Variants in METTL8 observed in about 807,000 individuals in gnomAD.
METTL8 encodes the protein methyltransferase 8, tRNA N3-cytidine, also known as tRNA N(3)-cytidine methyltransferase METTL8, mitochondrial.
In METTL8, 32 loss-of-function variants were observed where a neutral mutation model predicts 48.7. That is an observed-to-expected ratio of 0.66 (90% CI 0.50 to 0.88). The LOEUF (loss-of-function observed/expected upper bound fraction) is 0.88. Ranked by LOEUF, METTL8 falls within the 40% of genes least tolerant of loss-of-function variation. METTL8 has a pLI of 0.00. For missense variants in METTL8, 464 were observed against 474.4 expected, an observed-to-expected ratio of 0.98 and a Z score of 0.20; for synonymous variants, 136 against 157.1, an observed-to-expected ratio of 0.87 and a Z score of 1.01.
At position 171,394,660 on chromosome 2, in the gene METTL8, C is replaced by T. The variant is rs992780350; in HGVS notation, c.-12-2463G>A. 2.0e-5 allele frequency among the ~76,000 whole-genome samples: 3 copies of T among 152,162 alleles called. No individual in the cohort carries two copies. In the South Asian group the frequency reaches 6.2e-4, roughly 32 times the overall value. On this transcript the variant is annotated intron_variant, in intron 1 of 9. Transcript: ENST00000375258. ...GCTTATCTATAACAGTTATGCACAG[C>T]CTTGCATTGCTATTTATCTTATTAC...
rs569187669 is a variant in METTL8 at position 171,332,312 on chromosome 2, G to A, written c.657-445C>T. 7.4e-4 allele frequency: 114 copies of A among 154,028 alleles called. 2 individuals are homozygous for A. In the Middle Eastern group the frequency reaches 0.026, roughly 36 times the overall value. 9.5% of individuals were successfully genotyped at this position (154,028 alleles called of 1,614,324 possible). ...AGCTTTTTTTTTGAGACAGGGTCTCGCTCTGTCACCCAGGCTGGAGTATAG... is the reference window on the plus strand; with the variant it reads ...AGCTTTTTTTTTGAGACAGGGTCTCACTCTGTCACCCAGGCTGGAGTATAG... On this transcript the variant is annotated intron_variant, in intron 5 of 9. Transcript: ENST00000375258.
chr2:171,357,206 AC>A (rs1684680126), intron 3 of METTL8, among the ~76,000 whole-genome samples: 1 of 151,932 alleles, frequency 6.6e-6, no homozygotes, highest in African/African-American at 2.4e-5. Context: ...TGATCTGCCC[AC>A]CCTGGCCCCC....
intron 2 of METTL8, among the ~76,000 whole-genome samples, chr2:171,364,013 A>G (rs1461367447): frequency 1.3e-5 from 2 of 151,468 alleles, no homozygotes; most frequent in African/African-American, 4.9e-5. Flanking sequence ...GGGTTTCACC[A>G]TGTTGGCCAG....
At chr2:171,430,132 C>T (rs557878549) in intron 1 of METTL8, among the ~76,000 whole-genome samples, 69 of 151,816 alleles carry the variant, frequency 4.5e-4, no homozygotes, top group Middle Eastern at 6.8e-3. Flanking sequence ...CCAAAGTGGG[C>T]GGATCATCTG....
chr2:171,338,998 A>C (rs1265792459), intron 4 of METTL8, among the ~76,000 whole-genome samples, 186 bp downstream of exon 4: 1 of 152,144 alleles, frequency 6.6e-6, no homozygotes, highest in Non-Finnish European at 1.5e-5. Context: ...TAAACCACAA[A>C]CTTAAAACTT....
chr2:171,425,953 T>C (rs115771393), intron 1 of METTL8, among the ~76,000 whole-genome samples: 11,765 of 152,052 alleles, frequency 0.077, 545 homozygotes, highest in Non-Finnish European at 0.1. Flanking sequence ...AGTCAGGTGT[T>C]CGAGACCAGC....
At chr2:171,398,363 T>C (rs998484641) in intron 1 of METTL8, among the ~76,000 whole-genome samples, 1 of 152,184 alleles carries the variant, frequency 6.6e-6, no homozygotes, top group Non-Finnish European at 1.5e-5. Flanking sequence ...CAACCATGGA[T>C]GAATCTTAAA....
chr2:171,371,643 C>T (rs977788184), intron 2 of METTL8, among the ~76,000 whole-genome samples: 1 of 151,978 alleles, frequency 6.6e-6, no homozygotes, highest in Non-Finnish European at 1.5e-5. Flanking sequence ...AGGTGTGAGC[C>T]ACCGTGCCCA....
chr2:171,407,486 G>A lies in METTL8; in HGVS notation c.-12-15289C>T, dbSNP rs553350691. Among the ~76,000 whole-genome samples the A allele has an allele frequency of 2.0e-5, 3 of 152,204 alleles. No homozygotes were observed. The East Asian group carries it at 5.8e-4, about 29-fold the overall frequency. On this transcript the variant is annotated intron_variant, in intron 1 of 9. Transcript: ENST00000375258. Reference sequence around the variant, plus strand: ...AACAATGAGAAGGAACTACTGCTTTGAACGAGAGGCTCTTACAGTGTGGCC... The same window carrying A: ...AACAATGAGAAGGAACTACTGCTTTAAACGAGAGGCTCTTACAGTGTGGCC...
At position 171,316,766 on chromosome 2, in the gene METTL8, G is replaced by A. The variant is rs1012833974; in HGVS notation, c.*7406C>T. 6.6e-6 allele frequency among the ~76,000 whole-genome samples: 1 copy of A among 152,172 alleles called. No homozygotes were observed. Among genetic ancestry groups the A allele is most frequent in the Non-Finnish European group, 1.5e-5 (1 of 68,026 alleles). On this transcript the variant is annotated 3_prime_UTR_variant, in exon 10 of 10. Transcript: ENST00000375258. ...AGAAAAAGTATGAGCAATGAGAAAA[G>A]CAATTATCCTTGGAGGCAGAAATTT... is the stretch of plus-strand genomic sequence containing the variant.
chr2:171,420,962 T>C (rs1015860502), intron 1 of METTL8, among the ~76,000 whole-genome samples: 2 of 152,190 alleles, frequency 1.3e-5, no homozygotes, highest in African/African-American at 4.8e-5. Context: ...ATATTAGAAG[T>C]ATTCCCTTTA....
intron 3 of METTL8, among the ~76,000 whole-genome samples, chr2:171,356,951 TA>T (rs1245648136): frequency 5.3e-5 from 3 of 56,664 alleles, no homozygotes; most frequent in African/African-American, 2.1e-4. Flanking sequence ...TCAAAGACAA[TA>T]TTTTTTTTTT....
chr2:171,365,652 A>G (rs1250411564), intron 2 of METTL8, among the ~76,000 whole-genome samples: 1 of 152,206 alleles, frequency 6.6e-6, no homozygotes, highest in Non-Finnish European at 1.5e-5. Flanking sequence ...ACAAACAAAC[A>G]CACACATTTT....
At chr2:171,376,159 G>C (rs1342392201) in intron 2 of METTL8, among the ~76,000 whole-genome samples, 1 of 152,110 alleles carries the variant, frequency 6.6e-6, no homozygotes, top group Non-Finnish European at 1.5e-5. Flanking sequence ...AACTGGGCTG[G>C]TCTATTTGCT....
chr2:171,385,725 G>T (rs2105544576), intron 2 of METTL8, among the ~76,000 whole-genome samples: 1 of 152,288 alleles, frequency 6.6e-6, no homozygotes, highest in East Asian at 1.9e-4. Context: ...GAGCCCTAAG[G>T]GTCCTCTTGG....
chr2:171,376,635 A>G (rs1269355414), intron 2 of METTL8, among the ~76,000 whole-genome samples: 1 of 152,190 alleles, frequency 6.6e-6, no homozygotes, highest in Non-Finnish European at 1.5e-5. Flanking sequence ...TTAGGAATAC[A>G]CTTAGCAAAG....
intron 2 of METTL8, among the ~76,000 whole-genome samples, chr2:171,366,319 T>G (rs1162412479): frequency 1.3e-5 from 2 of 152,108 alleles, no homozygotes; most frequent in African/African-American, 4.8e-5. Flanking sequence ...CACACTAGAC[T>G]CAGGATATTA....
intron 2 of METTL8, among the ~76,000 whole-genome samples, chr2:171,390,378 T>G (rs1257171625): frequency 6.6e-6 from 1 of 152,238 alleles, no homozygotes; most frequent in Non-Finnish European, 1.5e-5. Flanking sequence ...ATTTCAACTT[T>G]CAAGTCTTAT....
intron 1 of METTL8, among the ~76,000 whole-genome samples, chr2:171,417,754 A>C (rs1691459903): frequency 6.6e-6 from 1 of 152,232 alleles, no homozygotes; most frequent in South Asian, 2.1e-4. Flanking sequence ...GATAGTACAG[A>C]GAGTTTCCAT....
Sources: gnomAD v4.1 joint callset for allele counts (sites outside exome capture counted in the v4.1 genomes callset) on GRCh38, gnomAD v4.1.1 for gene constraint, MANE v1.5 for transcripts, NCBI Gene and HGNC (gene_info 2026-07-23, HGNC 2026-07-21) for gene names.